Variants in RPH3A observed in about 807,000 individuals in gnomAD.
RPH3A encodes rabphilin-3A.
Under a neutral mutation model 102.2 loss-of-function variants are expected in RPH3A, and 48 were observed. The ratio of observed to expected loss-of-function variants is 0.47; its 90% CI spans 0.37 to 0.60. The LOEUF (loss-of-function observed/expected upper bound fraction) is 0.60. RPH3A is among the 20% of genes least tolerant of loss of function. The pLI, the probability that RPH3A is intolerant of heterozygous loss-of-function variation, is 0.00. For missense variants in RPH3A, 781 were observed against 910.1 expected (o/e 0.86, Z 1.83); for synonymous variants, 310 against 324.3 (o/e 0.96, Z 0.47).
intron 1 of RPH3A, among the ~76,000 whole-genome samples, chr12:112,585,194 G>C (rs2039429693): frequency 1.3e-5 from 2 of 152,170 alleles, no homozygotes; most frequent in African/African-American, 4.8e-5. Flanking sequence ...CTAGCCGTGG[G>C]CAGCTGATTA....
At chr12:112,848,444 C>A (rs571593621) in intron 5 of RPH3A, among the ~76,000 whole-genome samples, 1 of 152,288 alleles carries the variant, frequency 6.6e-6, no homozygotes, top group South Asian at 2.1e-4. Context: ...TCCAAGAACC[C>A]GGGGTCCCAT....
intron 1 of RPH3A, among the ~76,000 whole-genome samples, chr12:112,580,597 G>A (rs1388215029): frequency 6.6e-6 from 1 of 151,600 alleles, no homozygotes; most frequent in East Asian, 1.9e-4. Context: ...TAGTAGAGAT[G>A]GGGTTTCACC....
At chr12:112,880,303 A>G (rs760290579) in intron 14 of RPH3A, among the ~76,000 whole-genome samples, 6 of 152,172 alleles carry the variant, frequency 3.9e-5, no homozygotes, top group Non-Finnish European at 5.9e-5. Flanking sequence ...TTGGACACCT[A>G]TTTATTATCA....
chr12:112,664,825 C>G (rs1451274886), intron 1 of RPH3A, among the ~76,000 whole-genome samples: 1 of 152,032 alleles, frequency 6.6e-6, no homozygotes, highest in Non-Finnish European at 1.5e-5. Context: ...AGCGCACCCA[C>G]TGCACGGCCT....
At chr12:112,887,743 G>A in intron 16 of RPH3A, 54 bp from the exon 17 acceptor site, 4 of 1,585,386 alleles carry the variant, frequency 2.5e-6, no homozygotes, top group South Asian at 2.3e-5. Context: ...GGCACACAGT[G>A]GTGTCTTAAT....
intron 1 of RPH3A, among the ~76,000 whole-genome samples, chr12:112,647,311 C>A (rs2039938633): frequency 6.6e-6 from 1 of 152,124 alleles, no homozygotes; most frequent in South Asian, 2.1e-4. Flanking sequence ...GGCCATGTGA[C>A]CCTGAGCGAG....
chr12:112,702,880 G>A (rs930469291), intron 1 of RPH3A, among the ~76,000 whole-genome samples: 14 of 152,304 alleles, frequency 9.2e-5, no homozygotes, highest in African/African-American at 2.4e-4. Flanking sequence ...GGCTTAGCAC[G>A]GTGTGGTGGA....
intron 1 of RPH3A, among the ~76,000 whole-genome samples, chr12:112,714,612 T>C (rs2040501941): frequency 6.6e-6 from 1 of 152,204 alleles, no homozygotes; most frequent in African/African-American, 2.4e-5. Context: ...AATTATGTTA[T>C]TTTCAAGTAT....
At chr12:112,883,661 G>A (rs564002621) in intron 16 of RPH3A, among the ~76,000 whole-genome samples, 13 of 152,166 alleles carry the variant, frequency 8.5e-5, no homozygotes, top group African/African-American at 2.4e-4. Context: ...GGGATGGTGC[G>A]TGTGTGGGTG....
At position 112,675,953 on chromosome 12, in the gene RPH3A, T is replaced by C. The variant is rs143726824; in HGVS notation, c.-140+100634T>C. Among the ~76,000 whole-genome samples, 10 of 152,246 alleles carry C rather than the reference T, an allele frequency of 6.6e-5. No homozygotes were observed. In the East Asian group the frequency reaches 1.9e-3, roughly 29 times the overall value. On this transcript the variant is annotated intron_variant, in intron 1 of 21. Transcript: ENST00000543106. ...GCAGAAAGCTGTCACTCCCTGAGGC[T>C]TGTGGGACAGAGAAAGGAAGGTAGA...
At chr12:112,895,227 C>T (rs1257998357) in intron 20 of RPH3A, among the ~76,000 whole-genome samples, 3 of 152,026 alleles carry the variant, frequency 2.0e-5, no homozygotes, top group Non-Finnish European at 2.9e-5. Flanking sequence ...CTCAGCTTCC[C>T]GAATAGCTGC....
intron 2 of RPH3A, among the ~76,000 whole-genome samples, chr12:112,824,953 C>A (rs2041842144): frequency 1.3e-5 from 2 of 152,136 alleles, no homozygotes; most frequent in South Asian, 4.1e-4. Context: ...CCCAGGATCT[C>A]CAAGGCCAGT....
chr12:112,831,465 C>T (rs915131961), intron 3 of RPH3A, among the ~76,000 whole-genome samples: 4 of 152,002 alleles, frequency 2.6e-5, no homozygotes, highest in Admixed American at 6.6e-5. Flanking sequence ...ATCTTAATTC[C>T]GACCCTCCTT....
At chr12:112,815,328 CA>C (rs1341776520) in intron 2 of RPH3A, among the ~76,000 whole-genome samples, 1 of 152,170 alleles carries the variant, frequency 6.6e-6, no homozygotes, top group Non-Finnish European at 1.5e-5. Context: ...ATAAAAATAG[CA>C]AATTAATATG....
rs548204045 is a variant in RPH3A at position 112,890,920 on chromosome 12, G to A, written c.1692G>A (p.Gln564=). ...TCTCCCTCATGTACAGCACACAGCA[G>A]GGAGGCCTCATTGTGGGCATCATAC... is the stretch of plus-strand genomic sequence containing the variant. The part of the protein sequence containing the change: ...ILVSLMYSTQ[Q]GGLIVGIIRC... The change falls in exon 19 of 22, where the codon CAG becomes CAA. Residue 564 remains glutamine (Q), a synonymous_variant. Transcript: ENST00000389385. 1 of 1,614,100 alleles carries A rather than the reference G, an allele frequency of 6.2e-7. No individual in the cohort carries two copies. The highest frequency in any genetic ancestry group is 8.5e-7 in the Non-Finnish European group (1 of 1,180,012).
chr12:112,778,936 A>G (rs2040987974), intron 1 of RPH3A, among the ~76,000 whole-genome samples: 1 of 152,222 alleles, frequency 6.6e-6, no homozygotes, highest in Non-Finnish European at 1.5e-5. Context: ...ATAGGGAGGC[A>G]TCAGCTCCAC....
At chr12:112,730,849 A>C (rs187641329) in intron 1 of RPH3A, among the ~76,000 whole-genome samples, 24 of 152,272 alleles carry the variant, frequency 1.6e-4, no homozygotes, top group Non-Finnish European at 2.6e-4. Context: ...CAGAGCAAAG[A>C]ACATCCCAGG....
At chr12:112,650,879 A>G (rs2039970009) in intron 1 of RPH3A, 1 of 151,854 alleles carries the variant, frequency 6.6e-6, no homozygotes, top group Admixed American at 6.6e-5. Context: ...CAGGCGAGTG[A>G]CATTACACCT....
intron 10 of RPH3A, among the ~76,000 whole-genome samples, chr12:112,872,410 T>G (rs896708196): frequency 2.0e-5 from 3 of 152,200 alleles, no homozygotes; most frequent in African/African-American, 7.2e-5. Context: ...TTGTCTTTTG[T>G]TGTTGAGTCA....
Sources: gnomAD v4.1 joint callset for allele counts (sites outside exome capture counted in the v4.1 genomes callset) on GRCh38, gnomAD v4.1.1 for gene constraint, MANE v1.5 for transcripts, NCBI Gene and HGNC (gene_info 2026-07-23, HGNC 2026-07-21) for gene names.